ARID4B: variants seen among roughly 807,000 people sequenced by gnomAD.
ARID4B encodes the protein AT-rich interaction domain 4B, also known as AT-rich interactive domain-containing protein 4B.
A neutral mutation model predicts 147.5 loss-of-function variants in ARID4B; 26 were observed. The observed-to-expected ratio is 0.18, with a 90% CI of 0.13 to 0.24. The LOEUF is 0.24. Among genes scored for constraint, ARID4B ranks in the 10% least tolerant of loss-of-function variants. The probability of loss-of-function intolerance (pLI) is 1.00; values close to 1 mark genes in which losing one functional copy is unlikely to be tolerated. For synonymous variants in ARID4B, 512 were observed against 507.9 expected (o/e 1.01, Z -0.11); for missense variants, 1,179 against 1,511.5 (o/e 0.78, Z 3.65).
At chr1:235,305,046 C>CA (rs1204067251) in intron 2 of ARID4B, among the ~76,000 whole-genome samples, 11 of 152,272 alleles carry the variant, frequency 7.2e-5, no homozygotes, top group Admixed American at 4.6e-4. Flanking sequence ...GACATGGAAT[C>CA]AGAGTTGCTA....
At chr1:235,300,813 G>A (rs867726975) in intron 2 of ARID4B, among the ~76,000 whole-genome samples, 2 of 151,866 alleles carry the variant, frequency 1.3e-5, no homozygotes, top group Admixed American at 1.3e-4. Flanking sequence ...AGGTTCAAGC[G>A]ATTCTCCTGC....
At chr1:235,258,200 G>A (rs977906286) in intron 3 of ARID4B, among the ~76,000 whole-genome samples, 179 of 152,142 alleles carry the variant, frequency 1.2e-3, no homozygotes, top group African/African-American at 4.2e-3. Flanking sequence ...GCATGGTGGC[G>A]CATGCCTGTT....
At chr1:235,175,576 ATTC>A (rs1313460568) in intron 21 of ARID4B, 177 bp from the exon 22 acceptor site, 1 of 592,842 alleles carries the variant, frequency 1.7e-6, no homozygotes, top group Non-Finnish European at 3.0e-6. Context: ...AAAACAAAAA[ATTC>A]TTCTTACCTG....
chr1:235,196,281 G>C (rs1359081100), intron 17 of ARID4B, among the ~76,000 whole-genome samples, 166 bp from the exon 18 acceptor site: 1 of 152,178 alleles, frequency 6.6e-6, no homozygotes, highest in Non-Finnish European at 1.5e-5. Flanking sequence ...AAGGCACAAA[G>C]AGAGGGAGGT....
chr1:235,201,894 G>T (rs905387800), intron 17 of ARID4B, among the ~76,000 whole-genome samples: 3 of 151,520 alleles, frequency 2.0e-5, no homozygotes, highest in African/African-American at 7.3e-5. Flanking sequence ...AAAAAAATAT[G>T]TAAAATAAAA....
intron 16 of ARID4B, 38 bp from the exon 17 acceptor site, chr1:235,214,064 C>T (rs1666890511): frequency 1.3e-6 from 2 of 1,570,676 alleles, no homozygotes; most frequent in East Asian, 2.2e-5. Context: ...TAATAAAAGA[C>T]ACTTCATAAG....
intron 2 of ARID4B, among the ~76,000 whole-genome samples, chr1:235,299,057 C>A (rs1368405637): frequency 6.6e-6 from 1 of 151,940 alleles, no homozygotes; most frequent in Non-Finnish European, 1.5e-5. Context: ...AGTTCCAAGC[C>A]AGCCTAGACA....
chr1:235,229,935 T>C (rs1314345359), intron 10 of ARID4B, among the ~76,000 whole-genome samples: 1 of 152,200 alleles, frequency 6.6e-6, no homozygotes, highest in Non-Finnish European at 1.5e-5. Context: ...CCAAAAAATC[T>C]TGATGATTTT....
intron 19 of ARID4B, chr1:235,187,159 G>A (rs36085549): frequency 5.9e-4 from 168 of 285,788 alleles, no homozygotes; most frequent in African/African-American, 3.7e-3. Context: ...TCAGCTCACC[G>A]CAACCTCCGC....
intron 18 of ARID4B, among the ~76,000 whole-genome samples, chr1:235,194,773 C>T (rs1037795322): frequency 9.2e-5 from 14 of 151,896 alleles, no homozygotes; most frequent in Admixed American, 3.3e-4. Flanking sequence ...GAGCCAAGAT[C>T]GCGCCATTGC....
intron 10 of ARID4B, among the ~76,000 whole-genome samples, chr1:235,230,576 T>C (rs1397258603): frequency 4.3e-5 from 6 of 140,940 alleles, no homozygotes; most frequent in Non-Finnish European, 9.0e-5. Flanking sequence ...TTCTAGATTA[T>C]TATGCCTGAC....
In ARID4B at chr1:235,168,368, T is replaced by TA. The variant is rs543540324; in HGVS notation, c.*156dup. 4.3e-3 allele frequency: 3,236 copies of TA among 759,838 alleles called. 6 individuals are homozygous for TA. The highest frequency in any genetic ancestry group is 5.0e-3 in the Non-Finnish European group (2,542 of 506,576). 47.1% of individuals were successfully genotyped at this position (759,838 alleles called of 1,614,324 possible). A position where few individuals can be genotyped will look rare whatever the true frequency, so the allele number is the denominator to read the frequency against. On this transcript the variant is annotated 3_prime_UTR_variant, in exon 24 of 24. Coordinates refer to ENST00000264183, the MANE Select transcript of ARID4B (RefSeq NM_016374.6). ...AGCAGTTCATTGTACTTTTTCTTCA[T>TA]AAAAAAGTGCACTTAAGTGCCAAGT...
Position 235,167,424 on chromosome 1 carries a change from C to G in ARID4B, c.*1101G>C, listed in dbSNP as rs554245799. 1 of 222,146 alleles carries G rather than the reference C, an allele frequency of 4.5e-6. No individual in the cohort carries two copies. The highest frequency in any genetic ancestry group is 9.0e-6 in the Non-Finnish European group (1 of 110,950). 13.8% of individuals were successfully genotyped at this position (222,146 alleles called of 1,614,324 possible). ...TGCCAAACAGAACAGAGATTGGAAT[C>G]ATACAACATAAAGTCAATACAAGTG... On this transcript the variant is annotated 3_prime_UTR_variant, in exon 24 of 24. Coordinates refer to ENST00000264183, the MANE Select transcript of ARID4B (RefSeq NM_016374.6).
intron 2 of ARID4B, 148 bp from the exon 3 acceptor site, chr1:235,260,900 A>G: frequency 1.8e-6 from 1 of 562,652 alleles, no homozygotes. Context: ...AAATACTATA[A>G]ATTAAAAAAC....
chr1:235,240,288 A>G (rs1668901550), intron 8 of ARID4B, 25 bp downstream of exon 8: 1 of 1,563,114 alleles, frequency 6.4e-7, no homozygotes, highest in Non-Finnish European at 8.6e-7. Flanking sequence ...TTGAAATTAA[A>G]CTCTTGTATA....
intron 2 of ARID4B, among the ~76,000 whole-genome samples, chr1:235,274,941 C>T (rs993451291): frequency 1.3e-5 from 2 of 152,064 alleles, no homozygotes; most frequent in African/African-American, 4.8e-5. Flanking sequence ...CAAATGCATA[C>T]TAAAAACAGG....
At chr1:235,237,529 C>CT (rs1668684292) in intron 8 of ARID4B, among the ~76,000 whole-genome samples, 1 of 152,094 alleles carries the variant, frequency 6.6e-6, no homozygotes, top group South Asian at 2.1e-4. Context: ...GTGCCGAACA[C>CT]TGAACTAAGC....
chr1:235,177,477 T>C lies in ARID4B; in HGVS notation c.3448+323A>G, dbSNP rs183387443. ...TTGTTTGTTTTTGCAGAAATTCTTTTTTCTTTTTATTATTATACTTTAAGT... is the reference window on the plus strand; with the variant it reads ...TTGTTTGTTTTTGCAGAAATTCTTTCTTCTTTTTATTATTATACTTTAAGT... On this transcript the variant is annotated intron_variant, in intron 21 of 23. Transcript: ENST00000264183. 21 of 169,938 alleles carry C rather than the reference T, an allele frequency of 1.2e-4. No homozygotes were observed. In the South Asian group the frequency reaches 3.6e-3, roughly 29 times the overall value. 10.5% of individuals were successfully genotyped at this position (169,938 alleles called of 1,614,324 possible).
At chr1:235,275,892 G>A (rs569288101) in intron 2 of ARID4B, among the ~76,000 whole-genome samples, 3 of 152,190 alleles carry the variant, frequency 2.0e-5, no homozygotes, top group South Asian at 2.1e-4. Context: ...ATCCCAACAC[G>A]CTGGAAGGCC....
Sources: gnomAD v4.1 joint callset for allele counts (sites outside exome capture counted in the v4.1 genomes callset) on GRCh38, gnomAD v4.1.1 for gene constraint, MANE v1.5 for transcripts, NCBI Gene and HGNC (gene_info 2026-07-23, HGNC 2026-07-21) for gene names.